FHIT: variants seen among roughly 807,000 people sequenced by gnomAD.
FHIT encodes bis(5'-adenosyl)-triphosphatase.
A neutral mutation model predicts 17.9 loss-of-function variants in FHIT; 19 were observed. That is an observed-to-expected ratio of 1.06 (90% CI 0.74 to 1.56). The LOEUF (loss-of-function observed/expected upper bound fraction) is 1.56. Among genes scored for constraint, FHIT ranks in the 40% most tolerant of loss-of-function variants. The pLI is 0.00. For missense variants in FHIT, 248 were observed against 189.2 expected (o/e 1.31, Z -1.82); for synonymous variants, 81 against 69.7 (o/e 1.16, Z -0.81).
At chr3:59,788,677 C>A (rs1699413945) in intron 8 of FHIT, among the ~76,000 whole-genome samples, 1 of 152,024 alleles carries the variant, frequency 6.6e-6, no homozygotes, top group African/African-American at 2.4e-5. Context: ...GTCCCTGCAC[C>A]CAGCCCAGGG....
At chr3:60,650,219 T>C (rs1249101075) in intron 4 of FHIT, among the ~76,000 whole-genome samples, 2 of 152,216 alleles carry the variant, frequency 1.3e-5, no homozygotes, top group African/African-American at 2.4e-5. Context: ...AAGCACAGAA[T>C]TGTCAACAAA....
chr3:60,462,564 A>G (rs2032540493), intron 5 of FHIT, among the ~76,000 whole-genome samples: 1 of 152,170 alleles, frequency 6.6e-6, no homozygotes. Flanking sequence ...TGAGAGCGGA[A>G]AGCAGGGTAG....
intron 5 of FHIT, among the ~76,000 whole-genome samples, chr3:60,477,241 G>C (rs2033392720): frequency 6.6e-6 from 1 of 151,196 alleles, no homozygotes; most frequent in South Asian, 2.1e-4. Context: ...GCAATTTCCT[G>C]GTCAGAATCT....
At chr3:60,238,872 C>A (rs77501728) in intron 5 of FHIT, among the ~76,000 whole-genome samples, 1 of 152,124 alleles carries the variant, frequency 6.6e-6, no homozygotes, top group Non-Finnish European at 1.5e-5. Flanking sequence ...TTGGCAAGTA[C>A]AAATGCATTA....
At chr3:59,847,364 T>G (rs1701760093) in intron 8 of FHIT, among the ~76,000 whole-genome samples, 1 of 152,194 alleles carries the variant, frequency 6.6e-6, no homozygotes, top group South Asian at 2.1e-4. Flanking sequence ...AAAATCTGCC[T>G]TTGAGTTCTA....
chr3:60,081,135 G>C (rs1014513081), intron 5 of FHIT, among the ~76,000 whole-genome samples: 5 of 152,078 alleles, frequency 3.3e-5, no homozygotes, highest in African/African-American at 1.2e-4. Flanking sequence ...TCCAAGTTTG[G>C]TGCAGGAATG....
rs560052221 is a variant in FHIT, at chr3:60,967,031, G to A, written c.-111+75016C>T. On this transcript the variant is annotated intron_variant, in intron 3 of 9. Transcript: ENST00000492590. ...CAGTATGGGGATGTTTATGCCTCAT[G>A]GAATAGAGAAATCAAAAATTTAAAT... 5.9e-5 allele frequency among the ~76,000 whole-genome samples: 9 copies of A among 152,204 alleles called. No homozygotes were observed. The South Asian group carries it at 1.0e-3, about 18-fold the overall frequency.
At chr3:61,067,203 A>C (rs771526381) in intron 2 of FHIT, among the ~76,000 whole-genome samples, 1 of 152,146 alleles carries the variant, frequency 6.6e-6, no homozygotes, top group Non-Finnish European at 1.5e-5. Context: ...GTTGCTCATA[A>C]AGTTTCTTAT....
intron 2 of FHIT, among the ~76,000 whole-genome samples, chr3:61,192,225 CT>C (rs972467664): frequency 4.6e-5 from 7 of 152,316 alleles, no homozygotes; most frequent in Non-Finnish European, 1.0e-4. Context: ...AAACTTGAAA[CT>C]GCACCCCTCC....
chr3:60,053,806 T>C (rs902442148), intron 5 of FHIT, among the ~76,000 whole-genome samples: 15 of 152,172 alleles, frequency 9.9e-5, no homozygotes, highest in African/African-American at 3.4e-4. Flanking sequence ...AAAGAGTCCT[T>C]TCCTCATATA....
rs1459360435 is a variant in FHIT at position 60,713,358 on chromosome 3, G to A, written c.-18+108561C>T. On this transcript the variant is annotated intron_variant, in intron 4 of 9. Coordinates refer to ENST00000492590, the MANE Select transcript of FHIT (RefSeq NM_002012.4). ...CCAAAATTGACACCCTAACATCACA[G>A]TTAAAAGAACTAGAAAAGCAAGAGC... Among the ~76,000 whole-genome samples the A allele has an allele frequency of 6.0e-5, 9 of 150,756 alleles. No individual in the cohort carries two copies. In the South Asian group the frequency reaches 1.7e-3, roughly 29 times the overall value.
chr3:60,033,664 T>A (rs1022378617), intron 5 of FHIT, among the ~76,000 whole-genome samples: 2 of 152,216 alleles, frequency 1.3e-5, no homozygotes, highest in African/African-American at 4.8e-5. Flanking sequence ...CTCAAGTGGA[T>A]AAATGAAGCA....
chr3:59,986,898 T>A (rs1381694568), intron 7 of FHIT, among the ~76,000 whole-genome samples: 1 of 118,388 alleles, frequency 8.4e-6, no homozygotes, highest in African/African-American at 3.2e-5. Context: ...TTCATATATT[T>A]TATATTATAT....
chr3:59,788,881 G>GT (rs60361063), intron 8 of FHIT, among the ~76,000 whole-genome samples: 2 of 86,798 alleles, frequency 2.3e-5, no homozygotes, highest in African/African-American at 9.2e-5. Flanking sequence ...GAGTTCATAT[G>GT]TTTTTTTTTT....
At chr3:59,986,827 C>T (rs192562346) in intron 7 of FHIT, among the ~76,000 whole-genome samples, 6,320 of 14,640 alleles carry the variant, frequency 0.43, 1,503 homozygotes, top group Non-Finnish European at 0.5. Context: ...AAAATATATA[C>T]GTATATATGT....
At chr3:60,678,946 CTGTTT>C (rs2040684385) in intron 4 of FHIT, among the ~76,000 whole-genome samples, 1 of 138,366 alleles carries the variant, frequency 7.2e-6, no homozygotes, top group Non-Finnish European at 1.6e-5. Flanking sequence ...TCAAAGGTAA[CTGTTT>C]TGAGTCCTTA....
chr3:60,868,553 G>T (rs1704263833), intron 3 of FHIT, among the ~76,000 whole-genome samples: 2 of 152,014 alleles, frequency 1.3e-5, no homozygotes, highest in African/African-American at 4.8e-5. Context: ...TACAATCAGA[G>T]CTCCCTTTTT....
intron 4 of FHIT, among the ~76,000 whole-genome samples, chr3:60,682,201 G>T (rs1239176858): frequency 2.6e-5 from 4 of 152,054 alleles, no homozygotes; most frequent in African/African-American, 7.2e-5. Flanking sequence ...TCGAACTCCT[G>T]ACCTCATTAT....
At chr3:60,876,740 C>G (rs565827772) in intron 3 of FHIT, among the ~76,000 whole-genome samples, 1 of 152,178 alleles carries the variant, frequency 6.6e-6, no homozygotes, top group Non-Finnish European at 1.5e-5. Context: ...CAAGATGGCT[C>G]ACTAGAAACT....
Sources: allele counts gnomAD v4.1 joint callset (sites outside exome capture counted in the v4.1 genomes callset), GRCh38; gene constraint gnomAD v4.1.1; transcripts MANE v1.5; gene names NCBI Gene and HGNC (gene_info 2026-07-23, HGNC 2026-07-21).